TRIM5: variants seen among roughly 807,000 people sequenced by gnomAD.
The protein encoded by TRIM5 is tripartite motif containing 5, also known as tripartite motif-containing protein 5.
TRIM5 carries 31 observed loss-of-function variants against 35.6 expected under a neutral mutation model. The observed-to-expected ratio is 0.87, with a 90% CI of 0.65 to 1.18. The LOEUF (loss-of-function observed/expected upper bound fraction) is 1.18, where lower values mean the gene tolerates loss of function less well. Among genes scored for constraint, TRIM5 ranks in the 50% most tolerant of loss-of-function variants. The pLI is 0.00. For synonymous variants in TRIM5, 243 were observed against 215.6 expected (o/e 1.13, Z -1.11); for missense variants, 609 against 591.6 (o/e 1.03, Z -0.31).
the TRIM5 span, chr11:5,611,258 A>G: frequency 1.9e-6 from 3 of 1,613,828 alleles, no homozygotes; most frequent in African/African-American, 2.7e-5. Flanking sequence ...CTTTCTCTAA[A>G]TATTACTTTC....
the TRIM5 span, among the ~76,000 whole-genome samples, chr11:5,635,254 ATTT>A: frequency 1.0e-3 from 128 of 128,290 alleles, no homozygotes; most frequent in Middle Eastern, 8.0e-3. Flanking sequence ...TTCCCTGTTA[ATTT>A]TTTTTTTTTT....
rs55723753 is a variant in TRIM5, at chr11:5,664,389, C to T, written c.*420G>A. ...CTCTTTAACTCACAAATAAGGGCAT[C>T]GAGGGTAAACTGACACAGGGCTAAG... On this transcript the variant is annotated 3_prime_UTR_variant, in exon 8 of 8. Coordinates refer to ENST00000380034, the MANE Select transcript of TRIM5 (RefSeq NM_033034.3). 19 of 994,856 alleles carry T rather than the reference C, an allele frequency of 1.9e-5. No individual in the cohort carries two copies. The South Asian group carries it at 6.7e-4, about 35-fold the overall frequency. The allele number at this position is 994,856 out of a possible 1,614,324, so 61.6% of individuals were successfully genotyped here. A position where few individuals can be genotyped will look rare whatever the true frequency, so the allele number is the denominator to read the frequency against.
chr11:5,625,342 A>G, the TRIM5 span, among the ~76,000 whole-genome samples: 1 of 151,964 alleles, frequency 6.6e-6, no homozygotes. Flanking sequence ...TTCCTATTGT[A>G]TAATTTTGAT....
the TRIM5 span, among the ~76,000 whole-genome samples, chr11:5,640,172 G>A: frequency 3.3e-5 from 5 of 152,166 alleles, no homozygotes; most frequent in African/African-American, 1.2e-4. Flanking sequence ...TAGAAGTAGT[G>A]AGAGCAAACA....
chr11:5,665,214 A>G lies in TRIM5; in HGVS notation c.1077T>C (p.His359=), dbSNP rs1239982854. Residue 359 remains histidine (H), a synonymous_variant, in exon 8 of 8, where the codon CAT becomes CAC. Coordinates refer to ENST00000380034, the MANE Select transcript of TRIM5 (RefSeq NM_033034.3). The part of the protein sequence containing the change: ...LGSQSITSGK[H]YWEVDVSKKT... The stretch of plus-strand genomic sequence containing the variant: ...TCTTGGACACGTCTACCTCCCAGTA[A>G]TGTTTCCCTGATGTGATACTTTGAG... 1.2e-6 allele frequency: 2 copies of G among 1,614,174 alleles called. No individual in the cohort carries two copies. Among genetic ancestry groups the G allele is most frequent in the African/African-American group, 1.3e-5 (1 of 75,052 alleles).
At chr11:5,610,727 G>C in the TRIM5 span, 141 of 1,593,742 alleles carry the variant, frequency 8.8e-5, no homozygotes, top group Non-Finnish European at 1.2e-4. Flanking sequence ...TCAGCATAAC[G>C]AGACCCATGT....
chr11:5,670,333 A>G (rs1318218386), intron 4 of TRIM5, among the ~76,000 whole-genome samples: 5 of 131,442 alleles, frequency 3.8e-5, no homozygotes, highest in Admixed American at 1.5e-4. Context: ...TCCCACCACC[A>G]CACCCAGCTA....
the TRIM5 span, chr11:5,603,356 G>T: frequency 8.1e-6 from 13 of 1,614,122 alleles, no homozygotes; most frequent in Non-Finnish European, 1.1e-5. Context: ...GAGGTGACCT[G>T]CCCTATCTGC....
the TRIM5 span, chr11:5,597,055 T>C: frequency 1.4e-6 from 2 of 1,390,342 alleles, no homozygotes; most frequent in Non-Finnish European, 2.0e-6. Context: ...ATGACCCCAC[T>C]GAGGTTAGAG....
chr11:5,605,312 C>G, the TRIM5 span: 7 of 1,613,646 alleles, frequency 4.3e-6, no homozygotes, highest in South Asian at 7.7e-5. Context: ...GACTAGCAGC[C>G]TCTTTTTCTT....
the TRIM5 span, among the ~76,000 whole-genome samples, chr11:5,639,051 T>C: frequency 3.3e-5 from 5 of 152,136 alleles, no homozygotes; most frequent in African/African-American, 1.2e-4. Context: ...CTTGGAAAGT[T>C]TCTTAATCTT....
the TRIM5 span, among the ~76,000 whole-genome samples, chr11:5,622,574 T>G: frequency 2.0e-5 from 3 of 151,850 alleles, no homozygotes; most frequent in Non-Finnish European, 4.4e-5. Flanking sequence ...GCCAAGATCA[T>G]GCCATTGCAC....
At chr11:5,610,063 T>C in the TRIM5 span, 1 of 1,429,890 alleles carries the variant, frequency 7.0e-7, no homozygotes, top group Admixed American at 1.8e-5. Flanking sequence ...AATTCATCAG[T>C]AGGCTTGGGA....
chr11:5,666,953 T>C (rs1429350079), intron 5 of TRIM5, among the ~76,000 whole-genome samples: 2 of 152,076 alleles, frequency 1.3e-5, no homozygotes, highest in Non-Finnish European at 2.9e-5. Flanking sequence ...AATATAAACA[T>C]GTGGGAATTG....
intron 4 of TRIM5, among the ~76,000 whole-genome samples, chr11:5,670,779 G>A (rs1346623409): frequency 6.9e-6 from 1 of 145,956 alleles, no homozygotes; most frequent in African/African-American, 2.7e-5. Flanking sequence ...AAGATACATG[G>A]ACACACAGGA....
At chr11:5,668,648 C>T (rs567631655) in intron 4 of TRIM5, among the ~76,000 whole-genome samples, 1 of 152,148 alleles carries the variant, frequency 6.6e-6, no homozygotes, top group Admixed American at 6.5e-5. Flanking sequence ...TGGGGTTTCA[C>T]CATGTTGGTC....
At chr11:5,597,596 C>T in the TRIM5 span, among the ~76,000 whole-genome samples, 1 of 152,172 alleles carries the variant, frequency 6.6e-6, no homozygotes, top group African/African-American at 2.4e-5. Flanking sequence ...CTTATAAATG[C>T]AACTGCCACC....
chr11:5,670,237 G>A (rs1429385171), intron 4 of TRIM5, among the ~76,000 whole-genome samples: 2 of 134,534 alleles, frequency 1.5e-5, no homozygotes, highest in Non-Finnish European at 3.1e-5. Context: ...GAGTGCAGTG[G>A]TGCGATCTCA....
Position 5,679,813 on chromosome 11 carries a change from T to C in TRIM5, c.365A>G (p.Glu122Gly). ...GAGGAACGTGTGGTGACCACGGTGC[T>C]CCTGAGACCGCTCACAAAGCCAGCA... ...VICWLCERSQ[E>G]HRGHHTFLTE... Residue 122 changes from glutamate (E) to glycine (G), a missense_variant, in exon 2 of 8, where the codon GAG becomes GGG. By Grantham distance (98) the Glu-to-Gly change is moderately conservative. Coordinates refer to ENST00000380034, the MANE Select transcript of TRIM5 (RefSeq NM_033034.3). The C allele has an allele frequency of 1.2e-6, 2 of 1,612,506 alleles. No individual in the cohort carries two copies. Among genetic ancestry groups the C allele is most frequent in the East Asian group, 2.2e-5 (1 of 44,816 alleles).
Sources: gnomAD v4.1 joint callset for allele counts (sites outside exome capture counted in the v4.1 genomes callset) on GRCh38, gnomAD v4.1.1 for gene constraint, MANE v1.5 for transcripts, NCBI Gene and HGNC (gene_info 2026-07-23, HGNC 2026-07-21) for gene names.